The following XPO5 variants were observed in gnomAD, a reference collection of about 807,000 sequenced individuals.
XPO5 encodes the protein exportin-5.
Under a neutral mutation model 160.6 loss-of-function variants are expected in XPO5, and 46 were observed. That is an observed-to-expected ratio of 0.29 (90% CI 0.23 to 0.37). The LOEUF (loss-of-function observed/expected upper bound fraction) is 0.37, where lower values mean the gene tolerates loss of function less well. XPO5 is among the 10% of genes least tolerant of loss of function. The pLI, the probability that XPO5 is intolerant of heterozygous loss-of-function variation, is 1.00. For synonymous variants in XPO5, 537 were observed against 519.3 expected (o/e 1.03, Z -0.46); for missense variants, 1,090 against 1,463.9 (o/e 0.74, Z 4.17).
chr6:43,571,182 G>C (rs562594815), intron 3 of XPO5, among the ~76,000 whole-genome samples, 188 bp from the exon 4 acceptor site: 1 of 152,300 alleles, frequency 6.6e-6, no homozygotes, highest in Non-Finnish European at 1.5e-5. Context: ...TCCGCTTAAA[G>C]CTTAAGTGAG....
Position 43,556,859 on chromosome 6 carries a change from TG to T in XPO5, c.1313-896del, listed in dbSNP as rs753059091. Among the ~76,000 whole-genome samples the T allele has an allele frequency of 1.0e-3, 156 of 152,328 alleles. 1 individual carries two copies. The highest frequency in any genetic ancestry group is 1.9e-3 in the Non-Finnish European group (130 of 68,032). On this transcript the variant is annotated intron_variant, in intron 12 of 31. Transcript: ENST00000265351. ...AAAAAGAAATGAAGGCCGGGTGTGG[TG>T]GCTCACGCCTATAATCCAGCACTTT...
chr6:43,550,663 C>T (rs1795184484), intron 15 of XPO5, among the ~76,000 whole-genome samples: 1 of 152,192 alleles, frequency 6.6e-6, no homozygotes, highest in Non-Finnish European at 1.5e-5. Context: ...AGATCTTCAA[C>T]CTCAAATAGC....
chr6:43,531,751 G>C (rs1483034607), intron 21 of XPO5, among the ~76,000 whole-genome samples, 176 bp from the exon 22 acceptor site: 1 of 152,078 alleles, frequency 6.6e-6, no homozygotes, highest in Non-Finnish European at 1.5e-5. Context: ...GAAGGTGAAA[G>C]CTACTTAAGG....
chr6:43,536,202 G>T (rs577685219), intron 20 of XPO5, among the ~76,000 whole-genome samples: 4 of 151,802 alleles, frequency 2.6e-5, no homozygotes, highest in Non-Finnish European at 5.9e-5. Flanking sequence ...ATCACCTGAG[G>T]TCAGGAGTTT....
chr6:43,533,268 A>C (rs1446539051), intron 21 of XPO5: 1 of 150,330 alleles, frequency 6.7e-6, no homozygotes, highest in African/African-American at 2.5e-5. Context: ...ACACACGAGG[A>C]GGCAGGAAAG....
chr6:43,572,363 C>T (rs1763053307), intron 3 of XPO5, 143 bp downstream of exon 3: 1 of 758,968 alleles, frequency 1.3e-6, no homozygotes, highest in African/African-American at 1.7e-5. Flanking sequence ...AGGTGTGAGT[C>T]ACTGTGCCTG....
Position 43,528,827 on chromosome 6 carries a change from C to G in XPO5, c.2775+1G>C. ...CTTCCTGTTCCTGACTTATCTCTTA[C>G]CATATGGAGGTAGGTGAAAAGAGGT... On this transcript the variant is annotated splice_donor_variant, in intron 24 of 31. Transcript: ENST00000265351. LOFTEE classifies it high-confidence loss of function. 6.2e-7 allele frequency: 1 copy of G among 1,613,432 alleles called. No individual in the cohort carries two copies. Among genetic ancestry groups the G allele is most frequent in the Non-Finnish European group, 8.5e-7 (1 of 1,179,622 alleles).
intron 20 of XPO5, 112 bp from the exon 21 acceptor site, chr6:43,534,119 C>T: frequency 7.0e-6 from 5 of 718,406 alleles, no homozygotes; most frequent in Non-Finnish European, 1.1e-5. Flanking sequence ...CCCATCAACT[C>T]CTGGCAGGGG....
rs1338457050 is a variant in XPO5, at chr6:43,575,807, T to A, written c.58A>T (p.Met20Leu). The A allele has an allele frequency of 6.2e-7, 1 of 1,613,834 alleles. No homozygotes were observed. The highest frequency in any genetic ancestry group is 8.5e-7 in the Non-Finnish European group (1 of 1,179,780). The change falls in exon 1 of 32, where the codon ATG becomes TTG. Residue 20 changes from methionine to leucine, a missense_variant. Transcript: ENST00000265351. ...CEQLVKAVTV[M>L]MDPNSTQRYR... ...CGCTGGGTGGAGTTGGGGTCCATCA[T>A]GACCGTCACCGCTTTCACCAGCTGC... is the stretch of plus-strand genomic sequence containing the variant.
intron 10 of XPO5, 113 bp downstream of exon 10, chr6:43,560,811 C>T: frequency 2.2e-6 from 2 of 897,986 alleles, no homozygotes; most frequent in South Asian, 2.9e-5. Flanking sequence ...GGTCATTCCC[C>T]AAGGCCTGAA....
Position 43,548,335 on chromosome 6 carries a change from G to A in XPO5, c.1986C>T (p.Tyr662=), listed in dbSNP as rs752304039. The A allele has an allele frequency of 9.9e-6, 16 of 1,613,452 alleles. No individual in the cohort carries two copies. Among genetic ancestry groups the A allele is most frequent in the East Asian group, 8.9e-5 (4 of 44,884 alleles). The change falls in exon 18 of 32, where the codon TAC becomes TAT. Residue 662 remains tyrosine, a synonymous_variant. Transcript: ENST00000265351. ...LVLISNQFKN[Y]ERQKVFLEEL... Reference sequence around the variant, plus strand: ...CCTCTAGGAACACCTTCTGACGCTCGTAGTTCTTAAATTGGTTGCTAATGA... The same window carrying A: ...CCTCTAGGAACACCTTCTGACGCTCATAGTTCTTAAATTGGTTGCTAATGA...
intron 20 of XPO5, among the ~76,000 whole-genome samples, chr6:43,542,214 A>G (rs994406215): frequency 6.6e-6 from 1 of 152,100 alleles, no homozygotes; most frequent in African/African-American, 2.4e-5. Context: ...TACCAGACCA[A>G]TTCTGAAAGT....
At chr6:43,548,718 T>TTA (rs1369068000) in intron 17 of XPO5, among the ~76,000 whole-genome samples, 101 of 150,084 alleles carry the variant, frequency 6.7e-4, no homozygotes, top group African/African-American at 1.8e-3. Flanking sequence ...TCAGCTTGTT[T>TTA]TATATATATA....
chr6:43,534,180 C>T (rs993866835), intron 20 of XPO5, among the ~76,000 whole-genome samples, 173 bp from the exon 21 acceptor site: 2 of 152,078 alleles, frequency 1.3e-5, no homozygotes, highest in African/African-American at 4.8e-5. Flanking sequence ...AGGGAACAGA[C>T]TTGTATAGAT....
Position 43,524,581 on chromosome 6 carries a change from T to G in XPO5, c.3367A>C (p.Lys1123Gln), listed in dbSNP as rs887822624. 2.5e-6 allele frequency: 4 copies of G among 1,613,950 alleles called. No homozygotes were observed. The highest frequency in any genetic ancestry group is 2.5e-6 in the Non-Finnish European group (3 of 1,179,880). The change falls in exon 31 of 32, where the codon AAG becomes CAG. Residue 1123 changes from lysine (K) to glutamine (Q), a missense_variant. Physicochemically the swap from Lys to Gln is moderately conservative, Grantham distance 53 (BLOSUM62 1). This residue lies in a region of XPO5 where 810 missense variants were observed against 1,139.0 expected (regional missense o/e 0.71). Coordinates refer to ENST00000265351, the MANE Select transcript of XPO5 (RefSeq NM_020750.3). ...CAGTCAAACTGGTCCAGTGAGTCCTTCTGTATTTCAGGGATTTGCTCCATT... is the reference window on the plus strand; with the variant it reads ...CAGTCAAACTGGTCCAGTGAGTCCTGCTGTATTTCAGGGATTTGCTCCATT... ...AVMEQIPEIQ[K>Q]DSLDQFDCKL... is the part of the protein sequence containing the mutation.
chr6:43,569,928 C>T (rs749416941), intron 5 of XPO5, among the ~76,000 whole-genome samples: 3 of 145,600 alleles, frequency 2.1e-5, no homozygotes, highest in Non-Finnish European at 4.5e-5. Context: ...ACTAAAAATA[C>T]AAAAATTAGC....
At chr6:43,535,025 G>C (rs1561868352) in intron 20 of XPO5, among the ~76,000 whole-genome samples, 1 of 151,118 alleles carries the variant, frequency 6.6e-6, no homozygotes, top group Non-Finnish European at 1.5e-5. Flanking sequence ...AGGCGCAGTG[G>C]CTCATGCCTG....
At position 43,562,381 on chromosome 6, in the gene XPO5, A is replaced by T. The variant is rs767589699; in HGVS notation, c.912-35T>A. 10 of 1,464,142 alleles carry T rather than the reference A, an allele frequency of 6.8e-6. No individual in the cohort carries two copies. The East Asian group carries it at 2.4e-4, about 35-fold the overall frequency. 90.7% of individuals were successfully genotyped at this position (1,464,142 alleles called of 1,614,324 possible). ...GAGAATTCCTTATATCACCAACAAA[A>T]TTAAAAAGGCTGTAATAAAAACATC... On this transcript the variant is annotated intron_variant, in intron 8 of 31. Coordinates refer to ENST00000265351, the MANE Select transcript of XPO5 (RefSeq NM_020750.3).
chr6:43,574,426 T>C (rs967754738), intron 1 of XPO5, among the ~76,000 whole-genome samples: 3 of 150,340 alleles, frequency 2.0e-5, no homozygotes, highest in Non-Finnish European at 4.4e-5. Flanking sequence ...ATATAAAATA[T>C]ATAAAAGTTA....
Sources: allele counts gnomAD v4.1 joint callset (sites outside exome capture counted in the v4.1 genomes callset), GRCh38; gene constraint gnomAD v4.1.1; regional missense constraint gnomAD v4.1.1; transcripts MANE v1.5; gene names NCBI Gene and HGNC (gene_info 2026-07-23, HGNC 2026-07-21).